NTRK3: variants seen among roughly 807,000 people sequenced by gnomAD.
NTRK3 encodes NT-3 growth factor receptor.
In NTRK3, 24 loss-of-function variants were observed where a neutral mutation model predicts 91.7. The observed-to-expected ratio is 0.26, with a 90% CI of 0.19 to 0.37. The LOEUF (loss-of-function observed/expected upper bound fraction) is 0.37, where lower values mean the gene tolerates loss of function less well. NTRK3 is among the 10% of genes least tolerant of loss of function. The pLI is 1.00. For missense variants in NTRK3, 880 were observed against 1,068.9 expected, an observed-to-expected ratio of 0.82 and a Z score of 2.46; for synonymous variants, 483 against 404.0, an observed-to-expected ratio of 1.20 and a Z score of -2.34.
chr15:88,128,686 A>G (rs1040112732), intron 11 of NTRK3, 25 bp downstream of exon 11: 9 of 1,613,104 alleles, frequency 5.6e-6, no homozygotes, highest in Non-Finnish European at 6.8e-6. Flanking sequence ...AATCAGTTTC[A>G]AAGCAACAGG....
At chr15:87,900,202 C>T (rs1235877214) in intron 17 of NTRK3, among the ~76,000 whole-genome samples, 1 of 152,108 alleles carries the variant, frequency 6.6e-6, no homozygotes, top group Non-Finnish European at 1.5e-5. Flanking sequence ...CTGGGAACTG[C>T]AAGGTGATTC....
chr15:87,929,601 G>T (rs142147300), intron 16 of NTRK3, among the ~76,000 whole-genome samples, 167 bp from the exon 17 acceptor site: 2 of 152,164 alleles, frequency 1.3e-5, no homozygotes, highest in Non-Finnish European at 2.9e-5. Context: ...GATTATGTAC[G>T]TGTGGGTAAG....
chr15:87,979,318 C>T, intron 14 of NTRK3: 1 of 1,519,454 alleles, frequency 6.6e-7, no homozygotes, highest in Non-Finnish European at 9.1e-7. Flanking sequence ...AAGGTGACAT[C>T]AAAACAAGGA....
chr15:88,041,325 G>C (rs1047825769), intron 13 of NTRK3, among the ~76,000 whole-genome samples: 2 of 152,150 alleles, frequency 1.3e-5, no homozygotes, highest in Non-Finnish European at 2.9e-5. Flanking sequence ...GTAGGGTTGG[G>C]GGGCAGCAAT....
At chr15:88,073,348 A>T (rs1252334924) in intron 13 of NTRK3, among the ~76,000 whole-genome samples, 1 of 152,176 alleles carries the variant, frequency 6.6e-6, no homozygotes, top group Non-Finnish European at 1.5e-5. Flanking sequence ...CCATAGTGTG[A>T]GCCCCAGGTC....
At chr15:88,056,415 G>A (rs1180862675) in intron 13 of NTRK3, among the ~76,000 whole-genome samples, 1 of 152,002 alleles carries the variant, frequency 6.6e-6, no homozygotes, top group South Asian at 2.1e-4. Flanking sequence ...TGGTCCAAAT[G>A]TAGAAAATTA....
intron 17 of NTRK3, among the ~76,000 whole-genome samples, chr15:87,909,861 G>T (rs1241635047): frequency 6.6e-6 from 1 of 152,202 alleles, no homozygotes; most frequent in Non-Finnish European, 1.5e-5. Context: ...GCAAGACAAA[G>T]AGCGAGGCCT....
At chr15:88,067,958 GT>G (rs1016962729) in intron 13 of NTRK3, among the ~76,000 whole-genome samples, 2 of 152,112 alleles carry the variant, frequency 1.3e-5, no homozygotes. Flanking sequence ...TTTTACAGCA[GT>G]TTTTTACAGG....
chr15:88,220,659 C>T (rs1204827471), intron 3 of NTRK3, among the ~76,000 whole-genome samples: 1 of 152,152 alleles, frequency 6.6e-6, no homozygotes, highest in Non-Finnish European at 1.5e-5. Flanking sequence ...GTCACAGGAG[C>T]CCACACAGCT....
chr15:87,996,196 A>C (rs1408967936), intron 14 of NTRK3, among the ~76,000 whole-genome samples: 1 of 152,192 alleles, frequency 6.6e-6, no homozygotes, highest in Non-Finnish European at 1.5e-5. Flanking sequence ...GTGAGGTGAG[A>C]TCGCACCACT....
At chr15:88,002,183 T>G (rs577831486) in intron 14 of NTRK3, among the ~76,000 whole-genome samples, 16 of 148,060 alleles carry the variant, frequency 1.1e-4, no homozygotes, top group Middle Eastern at 3.4e-3. Flanking sequence ...TTTTTTTTTT[T>G]TTTTTTTTTT....
chr15:88,082,871 C>A (rs2048181186), intron 13 of NTRK3, among the ~76,000 whole-genome samples: 1 of 152,164 alleles, frequency 6.6e-6, no homozygotes, highest in Non-Finnish European at 1.5e-5. Context: ...GGGGCTTCCA[C>A]AAAGACTTCT....
intron 3 of NTRK3, among the ~76,000 whole-genome samples, chr15:88,214,489 A>C (rs1264280484): frequency 2.0e-5 from 3 of 152,102 alleles, no homozygotes; most frequent in African/African-American, 7.2e-5. Context: ...CCTCATCTTA[A>C]GGAATTATGT....
intron 6 of NTRK3, among the ~76,000 whole-genome samples, chr15:88,143,442 T>C (rs543092917): frequency 1.3e-5 from 2 of 152,194 alleles, no homozygotes; most frequent in Non-Finnish European, 2.9e-5. Context: ...ACTTCTGGCC[T>C]CCAGAATGGT....
chr15:87,912,615 A>G (rs1003370806), intron 17 of NTRK3, among the ~76,000 whole-genome samples: 3 of 149,242 alleles, frequency 2.0e-5, no homozygotes, highest in African/African-American at 7.4e-5. Flanking sequence ...ATCTTGAGGG[A>G]CATCTGCTCT....
chr15:88,136,344 C>T, intron 8 of NTRK3, 123 bp downstream of exon 8: 3 of 1,246,564 alleles, frequency 2.4e-6, no homozygotes, highest in Non-Finnish European at 3.5e-6. Flanking sequence ...ATTGCAGCTG[C>T]ATGTAACCCA....
At chr15:88,051,412 A>C (rs893535571) in intron 13 of NTRK3, among the ~76,000 whole-genome samples, 4 of 152,358 alleles carry the variant, frequency 2.6e-5, no homozygotes, top group African/African-American at 7.2e-5. Flanking sequence ...GATTCTCTGC[A>C]ACCCAAGAAT....
intron 15 of NTRK3, among the ~76,000 whole-genome samples, chr15:87,936,441 G>A (rs937801348): frequency 6.6e-6 from 1 of 151,998 alleles, no homozygotes; most frequent in Non-Finnish European, 1.5e-5. Context: ...AGGAAAATAG[G>A]CTAGATGGCA....
chr15:88,129,780 A>T (rs770817510), intron 10 of NTRK3, among the ~76,000 whole-genome samples: 1 of 152,184 alleles, frequency 6.6e-6, no homozygotes, highest in Non-Finnish European at 1.5e-5. Flanking sequence ...CAACAAAACA[A>T]TGATAGTCCT....
Sources: gnomAD v4.1 joint callset for allele counts (sites outside exome capture counted in the v4.1 genomes callset) on GRCh38, gnomAD v4.1.1 for gene constraint, MANE v1.5 for transcripts, NCBI Gene and HGNC (gene_info 2026-07-23, HGNC 2026-07-21) for gene names.